TFAP4: variants seen among roughly 807,000 people sequenced by gnomAD.
TFAP4 encodes the protein transcription factor AP-4.
Under a neutral mutation model 40.4 loss-of-function variants are expected in TFAP4, and 7 were observed. The observed-to-expected ratio is 0.17, with a 90% confidence interval of 0.10 to 0.33. The LOEUF is 0.33. Among genes scored for constraint, TFAP4 ranks in the 10% least tolerant of loss-of-function variants. TFAP4 has a pLI of 1.00. For synonymous variants in TFAP4, 218 were observed against 181.4 expected (o/e 1.20, Z -1.62); for missense variants, 374 against 451.1 (o/e 0.83, Z 1.55).
intron 1 of TFAP4, among the ~76,000 whole-genome samples, chr16:4,271,431 A>T (rs536993249): frequency 5.1e-4 from 77 of 152,304 alleles, no homozygotes; most frequent in African/African-American, 1.8e-3. Flanking sequence ...AAACTTGCGC[A>T]CGCCGTAGAA....
Position 4,263,937 on chromosome 16 carries a change from C to G in TFAP4, c.90-1236G>C, listed in dbSNP as rs577653078. On this transcript the variant is annotated intron_variant, in intron 1 of 6. Coordinates refer to ENST00000204517, the MANE Select transcript of TFAP4 (RefSeq NM_003223.3). ...GAGGCATGTCCCCCTCCCTGGACCTCCCCTGCAACTCCCCCCGCCCCTGGC... is the reference window on the plus strand; with the variant it reads ...GAGGCATGTCCCCCTCCCTGGACCTGCCCTGCAACTCCCCCCGCCCCTGGC... 3.3e-5 allele frequency: 5 copies of G among 152,986 alleles called. No individual in the cohort carries two copies. In the East Asian group the frequency reaches 9.6e-4, roughly 29 times the overall value. The allele number at this position is 152,986 out of a possible 1,614,324, so 9.5% of individuals were successfully genotyped here. A position where few individuals can be genotyped will look rare whatever the true frequency, so the allele number is the denominator to read the frequency against.
chr16:4,258,090 G>A lies in TFAP4; in HGVS notation c.982C>T (p.Arg328Trp), dbSNP rs1597310350. The A allele has an allele frequency of 1.9e-6, 3 of 1,613,166 alleles. No individual in the cohort carries two copies. The highest frequency in any genetic ancestry group is 2.5e-6 in the Non-Finnish European group (3 of 1,179,848). The change falls in exon 7 of 7, where the codon CGG (arginine) becomes TGG (tryptophan). Residue 328 changes from arginine to tryptophan, a missense_variant. Coordinates refer to ENST00000204517, the MANE Select transcript of TFAP4 (RefSeq NM_003223.3). The stretch of plus-strand genomic sequence containing the variant: ...TCCCCGTCCCCCGACGGCTCCTCCC[G>A]GCTCTGGTCCATGGCGTCACTGTCT... ...ASDSDAMDQSREEPSGDGELP is the reference protein window; with the variant it reads ...ASDSDAMDQSWEEPSGDGELP
At chr16:4,262,102 G>A in intron 3 of TFAP4, 153 bp from the exon 4 acceptor site, 2 of 931,120 alleles carry the variant, frequency 2.1e-6, no homozygotes, top group Non-Finnish European at 3.2e-6. Context: ...CAAATGCCAG[G>A]AGAATGGGCT....
At chr16:4,271,664 G>C (rs1488639064) in intron 1 of TFAP4, among the ~76,000 whole-genome samples, 1 of 152,292 alleles carries the variant, frequency 6.6e-6, no homozygotes, top group South Asian at 2.1e-4. Context: ...CCACCCGGCT[G>C]GGGGACCCGA....
chr16:4,258,740 C>T (rs956924653), intron 6 of TFAP4: 4 of 153,234 alleles, frequency 2.6e-5, no homozygotes, highest in African/African-American at 9.7e-5. Flanking sequence ...CAAAACCCCT[C>T]TGTTAAGTTG....
At chr16:4,260,358 G>C in intron 5 of TFAP4, 97 bp downstream of exon 5, 1 of 1,505,078 alleles carries the variant, frequency 6.6e-7, no homozygotes, top group South Asian at 1.3e-5. Context: ...ATATTAAGAA[G>C]CAGAGAGGAC....
chr16:4,260,953 A>G (rs535724323), intron 4 of TFAP4, among the ~76,000 whole-genome samples: 167 of 152,220 alleles, frequency 1.1e-3, no homozygotes, highest in Non-Finnish European at 2.1e-3. Flanking sequence ...CTGGCCTTCA[A>G]TATGGTTTTT....
chr16:4,260,281 C>T (rs958187180), intron 5 of TFAP4, 36 bp from the exon 6 acceptor site: 7 of 1,527,804 alleles, frequency 4.6e-6, no homozygotes, highest in Non-Finnish European at 6.1e-6. Context: ...TCTCTCAAGG[C>T]TTCTCTTGGC....
chr16:4,269,869 C>T (rs979957078), intron 1 of TFAP4, among the ~76,000 whole-genome samples: 1 of 152,106 alleles, frequency 6.6e-6, no homozygotes, highest in Non-Finnish European at 1.5e-5. Context: ...TACCATATAC[C>T]TGCCCATATA....
In TFAP4 at chr16:4,260,239, G is replaced by A. The variant is rs1288494960; in HGVS notation, c.673C>T (p.Pro225Ser). Residue 225 changes from proline (P) to serine (S), a missense_variant, in exon 6 of 7, where the codon CCC becomes TCC. By Grantham distance (74) the Pro-to-Ser change is moderately conservative. Coordinates refer to ENST00000204517, the MANE Select transcript of TFAP4 (RefSeq NM_003223.3). The part of the protein sequence containing the change: ...EQQQLRTQLL[P>S]PPAPTHHPTV... ...GGGTGGTGGGTGGGGGCCGGAGGGGGCAGAAGCTGCAAGACAGAGGCCCTC... is the reference window on the plus strand; with the variant it reads ...GGGTGGTGGGTGGGGGCCGGAGGGGACAGAAGCTGCAAGACAGAGGCCCTC... The A allele has an allele frequency of 2.6e-6, 4 of 1,549,284 alleles. No individual in the cohort carries two copies. Among genetic ancestry groups the A allele is most frequent in the Non-Finnish European group, 3.5e-6 (4 of 1,146,336 alleles).
chr16:4,268,878 GCC>G (rs2053018171), intron 1 of TFAP4, among the ~76,000 whole-genome samples: 3 of 151,648 alleles, frequency 2.0e-5, no homozygotes, highest in South Asian at 4.2e-4. Flanking sequence ...ACAAGAGTGA[GCC>G]ACTGCACCCA....
Position 4,260,262 on chromosome 16 carries a change from C to A in TFAP4, c.667-17G>T, listed in dbSNP as rs1159039826. ...GGGCAGAAGCTGCAAGACAGAGGCC[C>A]TCAGCCTTTCTCTCAAGGCTTCTCT... On this transcript the variant is annotated splice_polypyrimidine_tract_variant and intron_variant, in intron 5 of 6. Transcript: ENST00000204517. 1.9e-6 allele frequency: 3 copies of A among 1,542,158 alleles called. No homozygotes were observed. The highest frequency in any genetic ancestry group is 2.8e-5 in the African/African-American group (2 of 71,972).
chr16:4,270,704 G>T (rs2053033642), intron 1 of TFAP4, among the ~76,000 whole-genome samples: 1 of 152,220 alleles, frequency 6.6e-6, no homozygotes, highest in Admixed American at 6.5e-5. Context: ...GGGATAAATT[G>T]AAGCCAGAAT....
intron 6 of TFAP4, 82 bp downstream of exon 6, chr16:4,260,008 G>A: frequency 6.8e-7 from 1 of 1,463,022 alleles, no homozygotes; most frequent in Non-Finnish European, 9.2e-7. Context: ...CTCCGCTTCT[G>A]CCCCTCTTTT....
At chr16:4,258,421 CTT>C in intron 6 of TFAP4, 172 bp from the exon 7 acceptor site, 1 of 586,256 alleles carries the variant, frequency 1.7e-6, no homozygotes, top group Non-Finnish European at 2.9e-6. Context: ...ACTCCTTTTA[CTT>C]TTTTTTTGGA....
rs754265133 is a variant in TFAP4 at position 4,260,045 on chromosome 16, C to T, written c.822+45G>A. ...CAGTCTCCCCTAAAGAGCCTGTTCC[C>T]GGAGTATGACCCCCACAAGCTGCCC... On this transcript the variant is annotated intron_variant, in intron 6 of 6. Coordinates refer to ENST00000204517, the MANE Select transcript of TFAP4 (RefSeq NM_003223.3). 2.0e-5 allele frequency: 32 copies of T among 1,578,124 alleles called. No homozygotes were observed. The African/African-American group carries it at 2.1e-4, about 10-fold the overall frequency.
chr16:4,272,601 C>T, intron 1 of TFAP4, 57 bp downstream of exon 1: 3 of 1,351,896 alleles, frequency 2.2e-6, no homozygotes, highest in Non-Finnish European at 2.9e-6. Context: ...CCCGCCCGGG[C>T]GGGCTGGCCG....
chr16:4,271,457 C>T (rs558333014), intron 1 of TFAP4, among the ~76,000 whole-genome samples: 2 of 152,366 alleles, frequency 1.3e-5, no homozygotes, highest in East Asian at 3.9e-4. Flanking sequence ...ACCTCCCCCA[C>T]ACCACGCCCA....
chr16:4,269,076 T>TG (rs1041940036), intron 1 of TFAP4, among the ~76,000 whole-genome samples: 2 of 149,298 alleles, frequency 1.3e-5, no homozygotes, highest in Admixed American at 6.6e-5. Flanking sequence ...TTTGTAGAGG[T>TG]GGGGTCTTGC....
Sources: gnomAD v4.1 joint callset for allele counts (sites outside exome capture counted in the v4.1 genomes callset) on GRCh38, gnomAD v4.1.1 for gene constraint, MANE v1.5 for transcripts, NCBI Gene and HGNC (gene_info 2026-07-23, HGNC 2026-07-21) for gene names.